The following TRPC5 variants were observed in gnomAD, a reference collection of about 807,000 sequenced individuals.
TRPC5 encodes short transient receptor potential channel 5.
A neutral mutation model predicts 56.5 loss-of-function variants in TRPC5; 9 were observed. The ratio of observed to expected loss-of-function variants is 0.16; its 90% confidence interval spans 0.10 to 0.28. The LOEUF (loss-of-function observed/expected upper bound fraction) is 0.28. Ranked by LOEUF, TRPC5 falls within the 10% of genes least tolerant of loss-of-function variation. TRPC5 has a pLI of 1.00. For missense variants in TRPC5, 469 were observed against 748.9 expected, an observed-to-expected ratio of 0.63 and a Z score of 4.36; for synonymous variants, 282 against 278.5, an observed-to-expected ratio of 1.01 and a Z score of -0.13.
chrX:111,813,468 C>T (rs1395920523), intron 7 of TRPC5, among the ~76,000 whole-genome samples: 1 of 112,347 alleles, frequency 8.9e-6, no homozygotes, highest in African/African-American at 3.2e-5. Flanking sequence ...AATGAACATG[C>T]CTGTTCAATT....
At chrX:111,872,763 C>T (rs1923802757) in intron 3 of TRPC5, among the ~76,000 whole-genome samples, 1 of 111,720 alleles carries the variant, frequency 9.0e-6, no homozygotes, top group Non-Finnish European at 1.9e-5. Context: ...AAAAAATGCT[C>T]AACATCACTA....
chrX:111,932,908 T>G (rs1926458234), intron 2 of TRPC5, among the ~76,000 whole-genome samples: 1 of 111,728 alleles, frequency 9.0e-6, no homozygotes, highest in African/African-American at 3.3e-5. Flanking sequence ...AACTTTTCAC[T>G]CCAGTACCCA....
At chrX:112,011,885 T>G (rs1462254103) in intron 1 of TRPC5, among the ~76,000 whole-genome samples, 2 of 111,980 alleles carry the variant, frequency 1.8e-5, no homozygotes, top group African/African-American at 3.3e-5. Flanking sequence ...TATACAGCAT[T>G]ATGTTTTTTC....
At chrX:111,947,786 G>C (rs900597865) in intron 2 of TRPC5, among the ~76,000 whole-genome samples, 1 of 112,183 alleles carries the variant, frequency 8.9e-6, no homozygotes, top group East Asian at 2.8e-4. Flanking sequence ...AAGTGTTGGT[G>C]ATGTACCAAT....
At chrX:111,796,972 A>T (rs1338890642) in intron 7 of TRPC5, among the ~76,000 whole-genome samples, 2 of 112,647 alleles carry the variant, frequency 1.8e-5, no homozygotes, top group Non-Finnish European at 3.8e-5. Flanking sequence ...CCACTTCAAA[A>T]AAATAAAAAT....
chrX:111,905,936 G>A (rs866966406), intron 3 of TRPC5, among the ~76,000 whole-genome samples: 2,036 of 95,774 alleles, frequency 0.021, 136 homozygotes, highest in African/African-American at 0.083. Context: ...AAAAAAGAAA[G>A]AAAGAAAAAT....
chrX:111,807,956 C>CTGTGTGTGTGTGTGTG (rs60688414), intron 7 of TRPC5, among the ~76,000 whole-genome samples: 10 of 91,926 alleles, frequency 1.1e-4, no homozygotes, highest in South Asian at 4.5e-4. Context: ...CTCTCTCTCT[C>CTGTGTGTGTGTGTGTG]TGTGTGTGTG....
chrX:111,798,019 C>T (rs187942743), intron 7 of TRPC5, among the ~76,000 whole-genome samples: 158 of 110,407 alleles, frequency 1.4e-3, no homozygotes, highest in African/African-American at 4.8e-3. Context: ...ATAGATGAAC[C>T]GCAGAGCCTA....
intron 3 of TRPC5, among the ~76,000 whole-genome samples, chrX:111,904,526 C>A (rs776155356): frequency 9.0e-6 from 1 of 111,056 alleles, no homozygotes; most frequent in Non-Finnish European, 1.9e-5. Flanking sequence ...AGCAAACTAA[C>A]GCAGGAACAG....
chrX:111,853,367 C>T (rs762808864), intron 4 of TRPC5, among the ~76,000 whole-genome samples: 1 of 111,659 alleles, frequency 9.0e-6, no homozygotes, highest in Non-Finnish European at 1.9e-5. Flanking sequence ...AGAACTGGGT[C>T]GTGTGGAGTA....
intron 1 of TRPC5, among the ~76,000 whole-genome samples, chrX:112,070,757 C>G (rs778352417): frequency 1.3e-3 from 133 of 106,282 alleles, no homozygotes; most frequent in Non-Finnish European, 1.4e-3. Flanking sequence ...CTGCCCCCCC[C>G]CAAAGTTACT....
At chrX:111,891,022 T>C (rs1205838199) in intron 3 of TRPC5, among the ~76,000 whole-genome samples, 1 of 111,981 alleles carries the variant, frequency 8.9e-6, no homozygotes, top group African/African-American at 3.3e-5. Flanking sequence ...TCCAGCTCAA[T>C]CCATGTCCCT....
Position 111,975,458 on chromosome X carries a change from G to A in TRPC5, c.-21-23017C>T, listed in dbSNP as rs532166987. On this transcript the variant is annotated intron_variant, in intron 1 of 10. Transcript: ENST00000262839. ...TTATATATTATTACTTTAAGTTCTA[G>A]GGTACATGTGCACAACGTGCAGGTC... Among the ~76,000 whole-genome samples, 6 of 110,611 alleles carry A rather than the reference G, an allele frequency of 5.4e-5. No homozygotes were observed. The South Asian group carries it at 2.3e-3, about 42-fold the overall frequency.
rs6655162 is a variant in TRPC5 at position 111,806,240 on chromosome X, C to T, written c.1897-24102G>A. Among the ~76,000 whole-genome samples the T allele has an allele frequency of 3.9e-3, 440 of 111,815 alleles. 2 individuals are homozygous for T. Among genetic ancestry groups the T allele is most frequent in the African/African-American group, 0.014 (420 of 30,789 alleles). ...AAAACTTAAAGCTTAAAACCACAAACATTTATTATCCCAGTTTCTGTGGGT... is the reference window on the plus strand; with the variant it reads ...AAAACTTAAAGCTTAAAACCACAAATATTTATTATCCCAGTTTCTGTGGGT... On this transcript the variant is annotated intron_variant, in intron 7 of 10. Transcript: ENST00000262839.
intron 7 of TRPC5, among the ~76,000 whole-genome samples, chrX:111,834,447 C>T: frequency 9.0e-6 from 1 of 111,061 alleles, no homozygotes; most frequent in East Asian, 2.8e-4. Flanking sequence ...TAGGAAAAAA[C>T]GTAGCCCCCT....
intron 5 of TRPC5, among the ~76,000 whole-genome samples, chrX:111,851,039 A>G: frequency 8.9e-6 from 1 of 111,762 alleles, no homozygotes. Flanking sequence ...GGATTCAAAC[A>G]TTTTCCTCAC....
intron 2 of TRPC5, among the ~76,000 whole-genome samples, chrX:111,927,532 A>T (rs1926291725): frequency 9.0e-6 from 1 of 111,595 alleles, no homozygotes; most frequent in Admixed American, 9.5e-5. Context: ...ATCTCTTAGT[A>T]ATGGATAGAA....
At chrX:111,800,421 G>A (rs1051755683) in intron 7 of TRPC5, among the ~76,000 whole-genome samples, 2 of 111,614 alleles carry the variant, frequency 1.8e-5, no homozygotes, top group Non-Finnish European at 3.8e-5. Flanking sequence ...CACGAGGTCA[G>A]GAGTTTGAGG....
chrX:111,865,661 A>C (rs947929014), intron 3 of TRPC5, among the ~76,000 whole-genome samples: 2 of 112,041 alleles, frequency 1.8e-5, no homozygotes, highest in East Asian at 5.6e-4. Context: ...GTGTTGGTCA[A>C]GGACTGGGAG....
Sources: gnomAD v4.1 joint callset for allele counts (sites outside exome capture counted in the v4.1 genomes callset) on GRCh38, gnomAD v4.1.1 for gene constraint, MANE v1.5 for transcripts, NCBI Gene and HGNC (gene_info 2026-07-23, HGNC 2026-07-21) for gene names.